Variants in PCM1 observed in about 807,000 individuals in gnomAD.
PCM1 encodes the protein pericentriolar material 1, also known as pericentriolar material 1 protein.
In PCM1, 157 loss-of-function variants were observed where a neutral mutation model predicts 241.9. The ratio of observed to expected loss-of-function variants is 0.65; its 90% CI spans 0.57 to 0.74. The LOEUF (loss-of-function observed/expected upper bound fraction) is 0.74, where lower values mean the gene tolerates loss of function less well. PCM1 is among the 30% of genes least tolerant of loss of function. The pLI is 0.00. For missense variants in PCM1, 3,478 were observed against 2,360.1 expected, an observed-to-expected ratio of 1.47 and a Z score of -9.81; for synonymous variants, 1,085 against 784.9, an observed-to-expected ratio of 1.38 and a Z score of -6.39.
intron 10 of PCM1, 139 bp downstream of exon 10, chr8:17,955,792 C>CGT (rs1290271950): frequency 5.7e-6 from 4 of 696,956 alleles, no homozygotes; most frequent in Non-Finnish European, 1.0e-5. Context: ...GTAGAAGAGG[C>CGT]GTGTGTGTGT....
At chr8:17,940,241 C>A (rs534500445) in intron 6 of PCM1, 2 of 702,766 alleles carry the variant, frequency 2.8e-6, no homozygotes, top group Non-Finnish European at 4.9e-6. Context: ...TTTTTATAGG[C>A]GTTCCTTAAT....
intron 16 of PCM1, 94 bp from the exon 17 acceptor site, chr8:17,963,007 C>G (rs2073201917): frequency 1.2e-6 from 1 of 803,444 alleles, no homozygotes; most frequent in Non-Finnish European, 2.0e-6. Context: ...GAATAGAAAC[C>G]TTTGTTGATA....
At chr8:17,934,865 A>C (rs975758265) in intron 2 of PCM1, 2 of 152,162 alleles carry the variant, frequency 1.3e-5, no homozygotes, top group African/African-American at 4.8e-5. Context: ...CCAGGTAGGA[A>C]ATTCAGTCCC....
intron 6 of PCM1, among the ~76,000 whole-genome samples, chr8:17,944,608 AT>A (rs1219573031): frequency 6.6e-6 from 1 of 152,148 alleles, no homozygotes; most frequent in Non-Finnish European, 1.5e-5. Context: ...AAAGAAAAAT[AT>A]GTGTTTGAAG....
Position 17,964,872 on chromosome 8 carries a change from A to G in PCM1, c.2855+104A>G, listed in dbSNP as rs1055771820. 10 of 795,918 alleles carry G rather than the reference A, an allele frequency of 1.3e-5. No individual in the cohort carries two copies. The African/African-American group carries it at 1.4e-4, about 11-fold the overall frequency. The allele number at this position is 795,918 out of a possible 1,614,324, so 49.3% of individuals were successfully genotyped here. Reference sequence around the variant, plus strand: ...TCTCCAAGCCAACTGAATGTCCTACAACTCAATTCAATTTTTACACTAACT... The same window carrying G: ...TCTCCAAGCCAACTGAATGTCCTACGACTCAATTCAATTTTTACACTAACT... On this transcript the variant is annotated intron_variant, in intron 18 of 38. Transcript: ENST00000325083.
chr8:18,015,695 T>C (rs1282458157), intron 36 of PCM1: 1 of 152,208 alleles, frequency 6.6e-6, no homozygotes, highest in Non-Finnish European at 1.5e-5. Flanking sequence ...TTTTATTGTG[T>C]CTCAGATTTG....
chr8:17,979,429 C>A (rs1042714415), intron 23 of PCM1, among the ~76,000 whole-genome samples: 1 of 152,164 alleles, frequency 6.6e-6, no homozygotes, highest in South Asian at 2.1e-4. Flanking sequence ...CCTAGAGTTA[C>A]AAGGTAAACT....
At chr8:18,006,581 T>G (rs2091381816) in intron 30 of PCM1, among the ~76,000 whole-genome samples, 184 bp downstream of exon 30, 2 of 152,202 alleles carry the variant, frequency 1.3e-5, no homozygotes, top group African/African-American at 4.8e-5. Flanking sequence ...TATTGTATTA[T>G]TAGGTCCTGT....
intron 21 of PCM1, among the ~76,000 whole-genome samples, chr8:17,968,566 A>G (rs1177900695): frequency 5.3e-5 from 8 of 152,044 alleles, no homozygotes; most frequent in Non-Finnish European, 1.5e-5. Context: ...GTGAATCATG[A>G]GGAGGAGTTA....
At chr8:18,018,584 G>A (rs1010598443) in intron 36 of PCM1, among the ~76,000 whole-genome samples, 5 of 151,832 alleles carry the variant, frequency 3.3e-5, no homozygotes, top group African/African-American at 7.3e-5. Context: ...AGGCCGAGGC[G>A]GGCGGATCAG....
At chr8:17,950,139 G>C (rs1041199412) in intron 7 of PCM1, among the ~76,000 whole-genome samples, 1 of 152,076 alleles carries the variant, frequency 6.6e-6, no homozygotes, top group African/African-American at 2.4e-5. Flanking sequence ...TTGGGTGGTC[G>C]AGACAAAAAC....
At chr8:17,923,451 C>G (rs548947303) in intron 1 of PCM1, among the ~76,000 whole-genome samples, 3 of 152,224 alleles carry the variant, frequency 2.0e-5, no homozygotes, top group Non-Finnish European at 2.9e-5. Flanking sequence ...TGCCTCCTCG[C>G]CCCTCCTGCT....
intron 7 of PCM1, among the ~76,000 whole-genome samples, chr8:17,947,567 A>G (rs1375420163): frequency 6.6e-6 from 1 of 152,218 alleles, no homozygotes; most frequent in Non-Finnish European, 1.5e-5. Context: ...TATACCATGC[A>G]GATAGCCAGA....
chr8:17,973,511 G>C (rs1327386969), intron 23 of PCM1, among the ~76,000 whole-genome samples: 1 of 152,038 alleles, frequency 6.6e-6, no homozygotes, highest in Non-Finnish European at 1.5e-5. Flanking sequence ...CTGAGAGCAG[G>C]AGTTTGAGAC....
At chr8:18,007,574 A>C (rs2091676091) in intron 30 of PCM1, among the ~76,000 whole-genome samples, 1 of 152,174 alleles carries the variant, frequency 6.6e-6, no homozygotes, top group Non-Finnish European at 1.5e-5. Context: ...CCAAAGCATT[A>C]ATTTCTAAAG....
intron 6 of PCM1, among the ~76,000 whole-genome samples, chr8:17,940,815 A>G (rs2061789976): frequency 6.6e-6 from 1 of 152,188 alleles, no homozygotes; most frequent in African/African-American, 2.4e-5. Flanking sequence ...AGTGTGGTTC[A>G]ATGCTAGGGT....
At position 17,951,642 on chromosome 8, in the gene PCM1, T is replaced by TA. The variant is rs558713682; in HGVS notation, c.1071+925dup. Among the ~76,000 whole-genome samples the TA allele has an allele frequency of 2.6e-5, 4 of 152,134 alleles. No individual in the cohort carries two copies. The South Asian group carries it at 6.2e-4, about 24-fold the overall frequency. ...AAGAAGGATCCCACTTACCTTATTT[T>TA]AAAAAAAGTCTACATTTTTAATGTA... On this transcript the variant is annotated intron_variant, in intron 8 of 38. Transcript: ENST00000325083.
At chr8:17,924,846 C>G (rs1414927748) in intron 2 of PCM1, 66 bp downstream of exon 2, 4 of 152,218 alleles carry the variant, frequency 2.6e-5, no homozygotes, top group Admixed American at 1.3e-4. Flanking sequence ...ATGGTGGACA[C>G]TGCTGTCACA....
In PCM1 at chr8:17,938,911, A is replaced by G. The variant is rs1160037374; in HGVS notation, c.514A>G (p.Lys172Glu). ...NRETIGSAQC[K>E]ELFASALSND... ...AGAAACGATTGGATCAGCACAGTGT[A>G]AAGAGTTGTTTGCTTCTGCTTTAAG... Residue 172 changes from lysine (K) to glutamate (E), a missense_variant, in exon 5 of 39, where the codon AAA (lysine) becomes GAA (glutamate). Coordinates refer to ENST00000325083, the MANE Select transcript of PCM1 (RefSeq NM_006197.4). 1 of 1,613,758 alleles carries G rather than the reference A, an allele frequency of 6.2e-7. No homozygotes were observed. Among genetic ancestry groups the G allele is most frequent in the South Asian group, 1.1e-5 (1 of 91,084 alleles).
Sources: gnomAD v4.1 joint callset for allele counts (sites outside exome capture counted in the v4.1 genomes callset) on GRCh38, gnomAD v4.1.1 for gene constraint, MANE v1.5 for transcripts, NCBI Gene and HGNC (gene_info 2026-07-23, HGNC 2026-07-21) for gene names.